SAMMSON: variants seen among roughly 807,000 people sequenced by gnomAD.
SAMMSON encodes long intergenic non-protein coding RNA 1212.
intron 9 of SAMMSON, among the ~76,000 whole-genome samples, chr3:70,362,008 G>A (rs1253184520): frequency 2.0e-5 from 3 of 152,072 alleles, no homozygotes; most frequent in Non-Finnish European, 4.4e-5. Context: ...TGGATTTCCC[G>A]AGATGAATGT....
chr3:70,052,585 T>G (rs1394080895), intron 3 of SAMMSON, among the ~76,000 whole-genome samples: 3 of 152,154 alleles, frequency 2.0e-5, no homozygotes, highest in African/African-American at 7.2e-5. Flanking sequence ...ACCTAACATT[T>G]GGTGGTGGTA....
chr3:70,131,598 A>T (rs1418438667), intron 4 of SAMMSON, among the ~76,000 whole-genome samples: 1 of 151,348 alleles, frequency 6.6e-6, no homozygotes, highest in Non-Finnish European at 1.5e-5. Context: ...ATTTGCAATT[A>T]AAAAAAAATA....
At chr3:70,214,567 C>G (rs1475081744) in intron 4 of SAMMSON, among the ~76,000 whole-genome samples, 1 of 149,886 alleles carries the variant, frequency 6.7e-6, no homozygotes, top group African/African-American at 2.4e-5. Context: ...GCTTCCCCAA[C>G]ACCTGCAAAG....
downstream of SAMMSON, among the ~76,000 whole-genome samples, chr3:70,394,182 C>G (rs1701072440): frequency 6.6e-6 from 1 of 152,126 alleles, no homozygotes; most frequent in Non-Finnish European, 1.5e-5. Flanking sequence ...TTTCTGATCA[C>G]AGGTTTTGCT....
At chr3:70,067,625 G>A (rs1242589403) in intron 3 of SAMMSON, among the ~76,000 whole-genome samples, 2 of 152,114 alleles carry the variant, frequency 1.3e-5, no homozygotes, top group Non-Finnish European at 2.9e-5. Context: ...ATGTCTGAGA[G>A]TCTGAATTGG....
intron 3 of SAMMSON, among the ~76,000 whole-genome samples, chr3:70,053,863 A>G (rs2067156743): frequency 6.6e-6 from 1 of 152,118 alleles, no homozygotes; most frequent in South Asian, 2.1e-4. Flanking sequence ...TGTCTTGGAT[A>G]AGGTACAGTA....
At chr3:70,189,006 G>A (rs1701111444) in intron 4 of SAMMSON, among the ~76,000 whole-genome samples, 1 of 152,150 alleles carries the variant, frequency 6.6e-6, no homozygotes, top group Non-Finnish European at 1.5e-5. Flanking sequence ...AGAAGAGAGG[G>A]TGCTTGAGAC....
chr3:70,397,771 C>T (rs1335798333), intron 2 of SAMMSON, among the ~76,000 whole-genome samples: 7 of 152,052 alleles, frequency 4.6e-5, no homozygotes, highest in African/African-American at 1.7e-4. Flanking sequence ...TGCCAATTTA[C>T]ACTCTCAACA....
intron 6 of SAMMSON, among the ~76,000 whole-genome samples, chr3:70,287,712 A>G (rs1039821392): frequency 6.6e-5 from 10 of 151,998 alleles, no homozygotes; most frequent in Non-Finnish European, 1.2e-4. Context: ...TTGGTAAGCT[A>G]TTGATTATTG....
chr3:70,298,947 A>G (rs1485747191), intron 7 of SAMMSON, among the ~76,000 whole-genome samples: 1 of 152,162 alleles, frequency 6.6e-6, no homozygotes, highest in Non-Finnish European at 1.5e-5. Context: ...TTCTGCACAT[A>G]TATTTTATGC....
At chr3:70,361,902 T>C (rs1265065889) in intron 9 of SAMMSON, among the ~76,000 whole-genome samples, 1 of 152,330 alleles carries the variant, frequency 6.6e-6, no homozygotes, top group East Asian at 1.9e-4. Flanking sequence ...TTTTCTGAGA[T>C]GCTCTGAGGA....
intron 9 of SAMMSON, among the ~76,000 whole-genome samples, chr3:70,377,454 T>C (rs1703027324): frequency 6.6e-6 from 1 of 152,084 alleles, no homozygotes; most frequent in African/African-American, 2.4e-5. Context: ...TAAACAGCAA[T>C]TTTGGACACC....
chr3:70,235,781 T>A (rs1380014160), intron 4 of SAMMSON, among the ~76,000 whole-genome samples: 2 of 152,342 alleles, frequency 1.3e-5, no homozygotes, highest in South Asian at 4.1e-4. Context: ...CCCTTGTCAC[T>A]AAGCCTCATT....
At chr3:70,033,597 C>G (rs1276537583) in intron 3 of SAMMSON, among the ~76,000 whole-genome samples, 3 of 152,038 alleles carry the variant, frequency 2.0e-5, no homozygotes, top group African/African-American at 7.2e-5. Flanking sequence ...AACAGCCAGC[C>G]AGATAAAATG....
At chr3:70,329,229 T>C (rs919274323) in intron 7 of SAMMSON, among the ~76,000 whole-genome samples, 1 of 152,134 alleles carries the variant, frequency 6.6e-6, no homozygotes, top group Non-Finnish European at 1.5e-5. Context: ...AAGTGAAGGA[T>C]TAACCATATA....
chr3:70,218,436 G>A (rs1014681389), intron 4 of SAMMSON, among the ~76,000 whole-genome samples: 7 of 152,202 alleles, frequency 4.6e-5, no homozygotes, highest in East Asian at 3.9e-4. Context: ...GAGACCACTG[G>A]TCTGAGTAAT....
At chr3:70,149,826 A>G (rs2067563959) in intron 4 of SAMMSON, among the ~76,000 whole-genome samples, 1 of 152,038 alleles carries the variant, frequency 6.6e-6, no homozygotes, top group South Asian at 2.1e-4. Flanking sequence ...TCCATTTCCT[A>G]CTTACAAGTT....
chr3:70,062,109 C>T (rs2067192837), intron 3 of SAMMSON, among the ~76,000 whole-genome samples: 1 of 152,034 alleles, frequency 6.6e-6, no homozygotes, highest in Admixed American at 6.6e-5. Context: ...ACATTGCAAC[C>T]CCATAGTCTG....
At chr3:70,284,418 A>G (rs1257705091) in intron 6 of SAMMSON, among the ~76,000 whole-genome samples, 1 of 152,192 alleles carries the variant, frequency 6.6e-6, no homozygotes, top group Non-Finnish European at 1.5e-5. Context: ...AAGCAAAAAC[A>G]AAAAGAGAAC....
Sources: gnomAD v4.1 joint callset for allele counts (sites outside exome capture counted in the v4.1 genomes callset) on GRCh38, gnomAD v4.1.1 for gene constraint, MANE v1.5 for transcripts, NCBI Gene and HGNC (gene_info 2026-07-23, HGNC 2026-07-21) for gene names.